EPM2A: variants seen among roughly 807,000 people sequenced by gnomAD.
EPM2A encodes the protein EPM2A glucan phosphatase, laforin, also known as laforin.
A neutral mutation model predicts 26.5 loss-of-function variants in EPM2A; 21 were observed. The ratio of observed to expected loss-of-function variants is 0.79; its 90% CI spans 0.56 to 1.14. EPM2A has a LOEUF of 1.14. EPM2A is among the 50% of genes most tolerant of loss of function. The pLI, the probability that EPM2A is intolerant of heterozygous loss-of-function variation, is 0.00. For missense variants in EPM2A, 458 were observed against 440.8 expected (o/e 1.04, Z -0.35); for synonymous variants, 217 against 177.6 (o/e 1.22, Z -1.76).
At chr6:145,664,207 G>A (rs1364282278) in intron 2 of EPM2A, among the ~76,000 whole-genome samples, 1 of 86,418 alleles carries the variant, frequency 1.2e-5, no homozygotes, top group Non-Finnish European at 2.3e-5. Context: ...CCAATTAAAA[G>A]ACACAGACTG....
intron 2 of EPM2A, among the ~76,000 whole-genome samples, chr6:145,548,397 C>T (rs1305522425): frequency 6.6e-6 from 1 of 152,042 alleles, no homozygotes; most frequent in Non-Finnish European, 1.5e-5. Context: ...TTTACTTATT[C>T]CTGCCTAGAT....
At chr6:145,559,155 T>A (rs1780771664) in intron 2 of EPM2A, among the ~76,000 whole-genome samples, 1 of 152,132 alleles carries the variant, frequency 6.6e-6, no homozygotes, top group African/African-American at 2.4e-5. Context: ...TCAATCCCAG[T>A]CATTCCTAGG....
intron 2 of EPM2A, among the ~76,000 whole-genome samples, chr6:145,553,289 T>G (rs1232491163): frequency 6.6e-6 from 1 of 152,164 alleles, no homozygotes; most frequent in African/African-American, 2.4e-5. Context: ...CAACTTACCC[T>G]TCTTGGGTAT....
chr6:145,611,874 A>AC (rs569850390), intron 2 of EPM2A, among the ~76,000 whole-genome samples: 225 of 152,236 alleles, frequency 1.5e-3, no homozygotes, highest in African/African-American at 5.1e-3. Context: ...AGAAAAAAAA[A>AC]CACTTCTCCA....
intron 1 of EPM2A, among the ~76,000 whole-genome samples, chr6:145,692,786 G>A (rs1054459351): frequency 4.0e-4 from 61 of 151,998 alleles, no homozygotes; most frequent in Middle Eastern, 3.4e-3. Flanking sequence ...GTCCATTTTG[G>A]TACAAGTACC....
chr6:145,584,906 T>G (rs1781168293), intron 2 of EPM2A, among the ~76,000 whole-genome samples: 1 of 152,208 alleles, frequency 6.6e-6, no homozygotes, highest in Non-Finnish European at 1.5e-5. Flanking sequence ...TGCATTTAAT[T>G]GGCCATCTTG....
chr6:145,599,752 G>T (rs1781392546), intron 2 of EPM2A, among the ~76,000 whole-genome samples: 1 of 151,850 alleles, frequency 6.6e-6, no homozygotes, highest in Non-Finnish European at 1.5e-5. Flanking sequence ...CTTTGAGCAT[G>T]GATTTTATCT....
intron 4 of EPM2A, among the ~76,000 whole-genome samples, chr6:145,406,635 A>G (rs1778573211): frequency 6.6e-6 from 1 of 152,180 alleles, no homozygotes; most frequent in Non-Finnish European, 1.5e-5. Context: ...ACACAGTGTA[A>G]ACAAAGACAC....
intron 1 of EPM2A, among the ~76,000 whole-genome samples, chr6:145,715,771 G>A (rs1333164153): frequency 6.6e-6 from 1 of 152,158 alleles, no homozygotes; most frequent in African/African-American, 2.4e-5. Context: ...CTTATGAGAA[G>A]CTAATGCCTG....
chr6:145,722,314 G>A (rs192991959), intron 1 of EPM2A, among the ~76,000 whole-genome samples: 99 of 152,216 alleles, frequency 6.5e-4, no homozygotes, highest in African/African-American at 2.0e-3. Flanking sequence ...AAAGAAGGAT[G>A]GGGAAATTAA....
chr6:145,489,202 C>T (rs73781828), intron 4 of EPM2A, among the ~76,000 whole-genome samples: 2,722 of 152,168 alleles, frequency 0.018, 82 homozygotes, highest in African/African-American at 0.061. Flanking sequence ...CGTCATGCAG[C>T]CTTGTGTTTC....
intron 2 of EPM2A, among the ~76,000 whole-genome samples, chr6:145,514,557 T>C (rs1179978619): frequency 6.6e-6 from 1 of 152,188 alleles, no homozygotes; most frequent in Non-Finnish European, 1.5e-5. Flanking sequence ...GATAGATAAA[T>C]ACTATAACAG....
At chr6:145,637,945 T>C (rs1303832116) in intron 2 of EPM2A, 3 of 152,116 alleles carry the variant, frequency 2.0e-5, no homozygotes, top group African/African-American at 7.2e-5. Flanking sequence ...TACTTTGGGG[T>C]TCAACTGAGC....
At chr6:145,595,151 A>C (rs1014476381) in intron 2 of EPM2A, among the ~76,000 whole-genome samples, 11 of 151,990 alleles carry the variant, frequency 7.2e-5, no homozygotes, top group African/African-American at 2.6e-4. Flanking sequence ...TAATTTGTCT[A>C]TCTCCCCACT....
chr6:145,574,105 C>T (rs1419466625), intron 2 of EPM2A, among the ~76,000 whole-genome samples: 1 of 152,132 alleles, frequency 6.6e-6, no homozygotes, highest in East Asian at 1.9e-4. Context: ...CCAGCCTCCC[C>T]TTCATTCAAG....
In EPM2A at chr6:145,625,810, C is replaced by A; in HGVS notation, c.*1606G>T. 7.8e-6 allele frequency: 12 copies of A among 1,538,432 alleles called. No homozygotes were observed. The highest frequency in any genetic ancestry group is 1.2e-5 in the South Asian group (1 of 84,446). The stretch of plus-strand genomic sequence containing the variant: ...AGCTCCACTGAAACTTACCTTGTAT[C>A]CTTCTTGTCCCCCACGCCTTCTAAA... On this transcript the variant is annotated 3_prime_UTR_variant, in exon 4 of 4. Transcript: ENST00000367519.
intron 1 of EPM2A, among the ~76,000 whole-genome samples, chr6:145,697,434 G>A (rs554130735): frequency 2.6e-5 from 4 of 152,162 alleles, no homozygotes; most frequent in South Asian, 4.2e-4. Context: ...ATGAAGTTTC[G>A]GGCACACATT....
intron 2 of EPM2A, among the ~76,000 whole-genome samples, chr6:145,613,115 A>G (rs896534984): frequency 6.6e-6 from 1 of 152,248 alleles, no homozygotes; most frequent in African/African-American, 2.4e-5. Context: ...TTTATTAATT[A>G]AAGTTATTCA....
chr6:145,579,175 A>C (rs542670669), intron 2 of EPM2A, among the ~76,000 whole-genome samples: 44 of 152,272 alleles, frequency 2.9e-4, no homozygotes, highest in African/African-American at 1.0e-3. Context: ...AAAAGAAAAA[A>C]TAATTTGCCT....
Sources: gnomAD v4.1 joint callset for allele counts (sites outside exome capture counted in the v4.1 genomes callset) on GRCh38, gnomAD v4.1.1 for gene constraint, MANE v1.5 for transcripts, NCBI Gene and HGNC (gene_info 2026-07-23, HGNC 2026-07-21) for gene names.